SHISA9: variants seen among roughly 807,000 people sequenced by gnomAD.
SHISA9 encodes the protein protein shisa-9.
A neutral mutation model predicts 38.0 loss-of-function variants in SHISA9; 13 were observed. The observed-to-expected ratio is 0.34, with a 90% confidence interval of 0.22 to 0.54. The LOEUF (loss-of-function observed/expected upper bound fraction) is 0.54, where lower values mean the gene tolerates loss of function less well. SHISA9 is among the 20% of genes least tolerant of loss of function. The pLI, the probability that SHISA9 is intolerant of heterozygous loss-of-function variation, is 0.91. For missense variants in SHISA9, 538 were observed against 575.8 expected, an observed-to-expected ratio of 0.93 and a Z score of 0.67; for synonymous variants, 275 against 242.0, an observed-to-expected ratio of 1.14 and a Z score of -1.27.
chr16:13,204,902 C>A (rs1405858408), intron 3 of SHISA9: 2 of 152,200 alleles, frequency 1.3e-5, no homozygotes, highest in Non-Finnish European at 2.9e-5. Flanking sequence ...TCCTTCAGTT[C>A]ATTCTTCAAT....
At chr16:13,244,664 G>C (rs151005510), downstream of SHISA9, among the ~76,000 whole-genome samples, 89 of 152,286 alleles carry the variant, frequency 5.8e-4, no homozygotes, top group African/African-American at 2.0e-3. Context: ...AGTACTGAGG[G>C]AGTCAAAAGC....
chr16:13,383,652 A>G, the SHISA9 span, among the ~76,000 whole-genome samples: 1 of 149,452 alleles, frequency 6.7e-6, no homozygotes, highest in African/African-American at 2.6e-5. Context: ...CCTAATATTT[A>G]TTTATTTATT....
intron 2 of SHISA9, among the ~76,000 whole-genome samples, chr16:13,071,506 T>TTTCCA (rs2073513840): frequency 6.6e-6 from 1 of 151,692 alleles, no homozygotes; most frequent in Non-Finnish European, 1.5e-5. Flanking sequence ...AACCCTGGCC[T>TTTCCA]TTCCATTCCA....
the SHISA9 span, among the ~76,000 whole-genome samples, chr16:13,519,720 G>A: frequency 2.6e-5 from 4 of 152,110 alleles, no homozygotes; most frequent in African/African-American, 4.8e-5. Flanking sequence ...AAGAATACAC[G>A]TCCTTCTTCA....
At chr16:13,356,342 C>G in the SHISA9 span, among the ~76,000 whole-genome samples, 6 of 152,096 alleles carry the variant, frequency 3.9e-5, no homozygotes, top group Non-Finnish European at 8.8e-5. Flanking sequence ...ACGGTTGCTG[C>G]CAAACAAGTC....
intron 2 of SHISA9, among the ~76,000 whole-genome samples, chr16:12,944,026 T>G (rs563420398): frequency 1.3e-5 from 2 of 152,264 alleles, no homozygotes; most frequent in Admixed American, 6.5e-5. Flanking sequence ...TGCAAGATGT[T>G]TAGTAGGGTT....
the SHISA9 span, among the ~76,000 whole-genome samples, chr16:13,254,374 A>T: frequency 6.6e-6 from 1 of 152,186 alleles, no homozygotes; most frequent in African/African-American, 2.4e-5. Context: ...CAACAGGACC[A>T]CTTGTCACTG....
At chr16:12,996,417 C>T (rs926991087) in intron 2 of SHISA9, among the ~76,000 whole-genome samples, 17 of 152,096 alleles carry the variant, frequency 1.1e-4, no homozygotes, top group Non-Finnish European at 2.1e-4. Flanking sequence ...GGCACAGGCC[C>T]CCAGAACACC....
the SHISA9 span, among the ~76,000 whole-genome samples, chr16:13,484,424 A>C: frequency 6.6e-6 from 1 of 152,156 alleles, no homozygotes; most frequent in Non-Finnish European, 1.5e-5. Context: ...AGTACAGGAC[A>C]TGGACTTCAC....
chr16:13,380,774 A>G, the SHISA9 span, among the ~76,000 whole-genome samples: 1 of 151,964 alleles, frequency 6.6e-6, no homozygotes, highest in South Asian at 2.1e-4. Context: ...TGCACCCATC[A>G]ACCCTTCACT....
intron 2 of SHISA9, among the ~76,000 whole-genome samples, chr16:13,140,402 C>G (rs1018020841): frequency 6.6e-6 from 1 of 152,004 alleles, no homozygotes; most frequent in Admixed American, 6.6e-5. Context: ...GTCTCAAACT[C>G]CTGACCTCAG....
At chr16:13,519,989 T>A in the SHISA9 span, among the ~76,000 whole-genome samples, 2 of 152,058 alleles carry the variant, frequency 1.3e-5, no homozygotes, top group African/African-American at 4.8e-5. Flanking sequence ...CTAAAAACAG[T>A]AAGCTCTCTT....
intron 2 of SHISA9, among the ~76,000 whole-genome samples, chr16:13,190,414 A>G (rs181764834): frequency 7.9e-5 from 12 of 152,308 alleles, no homozygotes; most frequent in African/African-American, 2.9e-4. Flanking sequence ...CAGAACTGAT[A>G]ACAATACATT....
chr16:12,956,507 A>T (rs530471120), intron 2 of SHISA9, among the ~76,000 whole-genome samples: 186 of 152,340 alleles, frequency 1.2e-3, no homozygotes, highest in African/African-American at 4.2e-3. Flanking sequence ...GGATAAAGAA[A>T]ATGTGGTATG....
At position 13,202,030 on chromosome 16, in the gene SHISA9, A is replaced by G. The variant is rs1326812987; in HGVS notation, c.692-1364A>G. ...ACTTTCCACCTCAAAGTGAGCCATC[A>G]TTATCTCCCAGTGATGGGATGGATA... On this transcript the variant is annotated intron_variant, in intron 2 of 4. Coordinates refer to ENST00000558583, the MANE Select transcript of SHISA9 (RefSeq NM_001145204.3). Among the ~76,000 whole-genome samples the G allele has an allele frequency of 1.8e-5, 2 of 113,012 alleles. 1 individual carries two copies. The highest frequency in any genetic ancestry group is 4.5e-4 in the East Asian group (2 of 4,416). 74.1% of individuals were successfully genotyped at this position (113,012 alleles called of 152,430 possible).
chr16:13,308,213 C>CTT, the SHISA9 span, among the ~76,000 whole-genome samples: 186 of 146,074 alleles, frequency 1.3e-3, no homozygotes, highest in East Asian at 2.4e-3. Context: ...ATTGTAGGAG[C>CTT]TTTTTTTTTT....
chr16:13,130,431 TTGTTA>T (rs1447223706), intron 2 of SHISA9, among the ~76,000 whole-genome samples: 1 of 152,126 alleles, frequency 6.6e-6, no homozygotes, highest in Non-Finnish European at 1.5e-5. Flanking sequence ...TTTGTTTGTT[TTGTTA>T]TGTTTTGTTT....
chr16:13,448,355 GC>G, the SHISA9 span, among the ~76,000 whole-genome samples: 1 of 152,176 alleles, frequency 6.6e-6, no homozygotes, highest in Admixed American at 6.5e-5. Context: ...TCTGACCTAA[GC>G]ACTAGGTTGG....
chr16:12,972,102 A>G (rs969116410), intron 2 of SHISA9, among the ~76,000 whole-genome samples: 2 of 148,042 alleles, frequency 1.4e-5, no homozygotes, highest in Non-Finnish European at 3.0e-5. Context: ...CAAGTGGAGG[A>G]AAAATGTAAA....
Sources: gnomAD v4.1 joint callset for allele counts (sites outside exome capture counted in the v4.1 genomes callset) on GRCh38, gnomAD v4.1.1 for gene constraint, MANE v1.5 for transcripts, NCBI Gene and HGNC (gene_info 2026-07-23, HGNC 2026-07-21) for gene names.